The following MAGI2 variants were observed in gnomAD, a reference collection of about 807,000 sequenced individuals.
MAGI2 encodes the protein membrane-associated guanylate kinase, WW and PDZ domain-containing protein 2.
MAGI2 carries 35 observed loss-of-function variants against 133.3 expected under a neutral mutation model. The ratio of observed to expected loss-of-function variants is 0.26; its 90% CI spans 0.20 to 0.35. The LOEUF (loss-of-function observed/expected upper bound fraction) is 0.35. Among genes scored for constraint, MAGI2 ranks in the 10% least tolerant of loss-of-function variants. The pLI is 1.00. For missense variants in MAGI2, 1,636 were observed against 1,863.4 expected (o/e 0.88, Z 2.25); for synonymous variants, 729 against 710.6 (o/e 1.03, Z -0.41).
chr7:78,515,698 C>G (rs1795981211), intron 4 of MAGI2, among the ~76,000 whole-genome samples: 1 of 152,158 alleles, frequency 6.6e-6, no homozygotes, highest in Admixed American at 6.5e-5. Context: ...GTCAGGATTT[C>G]AAGACCAGCC....
At chr7:78,362,772 T>C (rs768928370) in intron 7 of MAGI2, among the ~76,000 whole-genome samples, 5 of 152,266 alleles carry the variant, frequency 3.3e-5, no homozygotes, top group Non-Finnish European at 7.3e-5. Context: ...TACTGATTTA[T>C]GCTTGTTGAA....
chr7:78,036,939 T>G (rs1810293395), intron 21 of MAGI2, among the ~76,000 whole-genome samples: 1 of 152,158 alleles, frequency 6.6e-6, no homozygotes, highest in South Asian at 2.1e-4. Flanking sequence ...TATCTTAAGC[T>G]CCTGTAAGGA....
intron 16 of MAGI2, among the ~76,000 whole-genome samples, chr7:78,144,415 A>C (rs1234636959): frequency 6.6e-6 from 1 of 152,148 alleles, no homozygotes; most frequent in Non-Finnish European, 1.5e-5. Flanking sequence ...TCCTTATCCC[A>C]AAGTAGTTTT....
intron 2 of MAGI2, among the ~76,000 whole-genome samples, chr7:78,975,605 T>C (rs182261558): frequency 4.8e-4 from 73 of 151,616 alleles, no homozygotes; most frequent in Non-Finnish European, 2.5e-4. Flanking sequence ...GCTAAATTTC[T>C]CTCCTTAGGA....
At chr7:78,593,277 AGCTACTCGGGAG>A (rs1480557833) in intron 3 of MAGI2, among the ~76,000 whole-genome samples, 6 of 152,082 alleles carry the variant, frequency 3.9e-5, no homozygotes, top group Non-Finnish European at 8.8e-5. Context: ...CTGTAGTCCC[AGCTACTCGGGAG>A]GCTGAGGCAG....
chr7:78,526,015 C>T (rs1472021278), intron 3 of MAGI2, among the ~76,000 whole-genome samples: 1 of 152,150 alleles, frequency 6.6e-6, no homozygotes, highest in African/African-American at 2.4e-5. Flanking sequence ...ATTTATTCAT[C>T]ACAATATAGC....
At chr7:79,342,907 G>A (rs534464381) in intron 1 of MAGI2, among the ~76,000 whole-genome samples, 43 of 151,898 alleles carry the variant, frequency 2.8e-4, no homozygotes, top group Admixed American at 2.2e-3. Flanking sequence ...TTACAGGCAC[G>A]TGCCACCATG....
At chr7:79,140,259 G>C (rs1242931963) in intron 1 of MAGI2, among the ~76,000 whole-genome samples, 1 of 151,964 alleles carries the variant, frequency 6.6e-6, no homozygotes, top group South Asian at 2.1e-4. Context: ...CTAAAAATTG[G>C]GTGTTTATTT....
intron 9 of MAGI2, among the ~76,000 whole-genome samples, chr7:78,318,696 A>C (rs906520100): frequency 1.2e-4 from 18 of 152,314 alleles, no homozygotes; most frequent in African/African-American, 4.3e-4. Flanking sequence ...AAATGAGGGA[A>C]AAAATGTTAA....
At chr7:79,029,712 C>T (rs188266692) in intron 1 of MAGI2, among the ~76,000 whole-genome samples, 161 of 152,128 alleles carry the variant, frequency 1.1e-3, no homozygotes, top group African/African-American at 3.8e-3. Context: ...TAAAATATTA[C>T]CTGTTTCAAA....
At chr7:78,310,919 T>C (rs748339679) in intron 9 of MAGI2, among the ~76,000 whole-genome samples, 1 of 152,202 alleles carries the variant, frequency 6.6e-6, no homozygotes, top group African/African-American at 2.4e-5. Flanking sequence ...CTTGGAAATA[T>C]GGAATCATAC....
At chr7:78,061,230 G>T (rs1813220502) in intron 21 of MAGI2, among the ~76,000 whole-genome samples, 1 of 151,090 alleles carries the variant, frequency 6.6e-6, no homozygotes, top group South Asian at 2.1e-4. Context: ...AATCCTTTAG[G>T]ACAACTGTGG....
At chr7:78,700,070 C>T (rs1817910809) in intron 2 of MAGI2, among the ~76,000 whole-genome samples, 1 of 152,114 alleles carries the variant, frequency 6.6e-6, no homozygotes, top group Non-Finnish European at 1.5e-5. Context: ...AAATTGTTTT[C>T]TCATACTGAG....
intron 2 of MAGI2, among the ~76,000 whole-genome samples, chr7:79,006,439 A>G (rs187183521): frequency 3.7e-4 from 56 of 152,290 alleles, no homozygotes; most frequent in Non-Finnish European, 6.6e-4. Flanking sequence ...CTTAAAGTTA[A>G]TAGAGGATTT....
chr7:79,431,021 A>G (rs985012802), intron 1 of MAGI2, among the ~76,000 whole-genome samples: 4 of 152,152 alleles, frequency 2.6e-5, no homozygotes, highest in Admixed American at 6.5e-5. Flanking sequence ...TTCCCTTTCT[A>G]TATTTGCTTT....
intron 6 of MAGI2, among the ~76,000 whole-genome samples, chr7:78,394,956 C>G (rs1359853053): frequency 1.3e-5 from 2 of 152,136 alleles, no homozygotes; most frequent in Non-Finnish European, 2.9e-5. Context: ...GAGAGAAGGT[C>G]TAAGGTCTAT....
chr7:79,219,276 A>T (rs1830261560), intron 1 of MAGI2, among the ~76,000 whole-genome samples: 1 of 152,072 alleles, frequency 6.6e-6, no homozygotes, highest in Non-Finnish European at 1.5e-5. Context: ...AAAGACCACA[A>T]AAAACCCTAA....
intron 1 of MAGI2, among the ~76,000 whole-genome samples, chr7:79,365,867 CAA>C (rs71095399): frequency 0.023 from 1,137 of 48,750 alleles, 2 homozygotes; most frequent in African/African-American, 0.083. Context: ...ACTCTTGTCT[CAA>C]AAAAAAAAAA....
chr7:78,207,420 A>G (rs1787213251), intron 10 of MAGI2, among the ~76,000 whole-genome samples: 2 of 152,174 alleles, frequency 1.3e-5, no homozygotes, highest in Non-Finnish European at 2.9e-5. Flanking sequence ...GGAGAAAAAT[A>G]CCACTAATAA....
Sources: gnomAD v4.1 joint callset for allele counts (sites outside exome capture counted in the v4.1 genomes callset) on GRCh38, gnomAD v4.1.1 for gene constraint, MANE v1.5 for transcripts, NCBI Gene and HGNC (gene_info 2026-07-23, HGNC 2026-07-21) for gene names.